The following PDE4C variants were observed in gnomAD, a reference collection of about 807,000 sequenced individuals.
The protein encoded by PDE4C is phosphodiesterase 4C.
In PDE4C, 50 loss-of-function variants were observed where a neutral mutation model predicts 63.9. The observed-to-expected ratio is 0.78, with a 90% CI of 0.62 to 0.99. The LOEUF is 0.99. Ranked by LOEUF, PDE4C falls within the 50% of genes least tolerant of loss-of-function variation. PDE4C has a pLI of 0.00. For missense variants in PDE4C, 777 were observed against 899.1 expected, an observed-to-expected ratio of 0.86 and a Z score of 1.74; for synonymous variants, 377 against 385.1, an observed-to-expected ratio of 0.98 and a Z score of 0.25.
downstream of PDE4C, chr19:18,209,533 G>C (rs1317661114): frequency 6.6e-6 from 1 of 151,902 alleles, no homozygotes; most frequent in African/African-American, 2.4e-5. Context: ...ACAGGTGTGA[G>C]CCGCCGCACC....
intron 1 of PDE4C, among the ~76,000 whole-genome samples, chr19:18,240,531 G>A (rs1969018925): frequency 6.6e-6 from 1 of 151,588 alleles, no homozygotes; most frequent in Admixed American, 6.6e-5. Context: ...ATCGAGACCA[G>A]CCCGGCCAAC....
At chr19:18,216,719 C>T (rs776563591) in intron 12 of PDE4C, 22 bp downstream of exon 12, 65 of 1,573,272 alleles carry the variant, frequency 4.1e-5, no homozygotes, top group Admixed American at 2.0e-4. Flanking sequence ...CCCTCCCGCC[C>T]CGCTTACTGC....
In PDE4C at chr19:18,217,252, C is replaced by A. The variant is rs145213194; in HGVS notation, c.1235-357G>T. The A allele has an allele frequency of 6.8e-4, 114 of 168,468 alleles. 3 individuals are homozygous for A. The East Asian group carries it at 0.018, about 26-fold the overall frequency. The allele number at this position is 168,468 out of a possible 1,614,324, so 10.4% of individuals were successfully genotyped here. A position where few individuals can be genotyped will look rare whatever the true frequency, so the allele number is the denominator to read the frequency against. The stretch of plus-strand genomic sequence containing the variant: ...CAATCACGGTTCCCTGCAGCCTCAA[C>A]CTCCTGGCCTCAAGTGATCCTCCCA... On this transcript the variant is annotated intron_variant, in intron 11 of 14. Transcript: ENST00000262805.
At chr19:18,233,544 G>A (rs1309279470) in exon 1 of PDE4C, 2 of 546,922 alleles carry the variant, frequency 3.7e-6, no homozygotes, top group Non-Finnish European at 7.0e-6. Flanking sequence ...ACAAGGACTT[G>A]GAGTGGAGAA....
At chr19:18,213,266 A>C in intron 13 of PDE4C, 102 bp downstream of exon 13, 1 of 1,047,596 alleles carries the variant, frequency 9.5e-7, no homozygotes, top group Non-Finnish European at 1.3e-6. Context: ...CCTGGGCGAC[A>C]GAGTGAGACT....
chr19:18,219,322 A>G, exon 8 of PDE4C: 4 of 1,614,126 alleles, frequency 2.5e-6, no homozygotes, highest in South Asian at 2.2e-5. Flanking sequence ...GAGCCCATGT[A>G]GGCCACTGAT....
chr19:18,231,623 G>A (rs1022130352), intron 1 of PDE4C, among the ~76,000 whole-genome samples: 1 of 152,102 alleles, frequency 6.6e-6, no homozygotes, highest in Non-Finnish European at 1.5e-5. Flanking sequence ...GCACCAGGAC[G>A]CAAGAAAGCC....
At position 18,232,453 on chromosome 19, in the gene PDE4C, G is replaced by A. The variant is rs924936866; in HGVS notation, c.242+497C>T. The stretch of plus-strand genomic sequence containing the variant: ...TATCCAAGCACCCCAGGGTTACCTC[G>A]GGTGCTTGAGCTGGTCACAAACTTC... On this transcript the variant is annotated intron_variant, in intron 1 of 14. Coordinates refer to the PDE4C transcript ENST00000594465. 2.6e-5 allele frequency among the ~76,000 whole-genome samples: 4 copies of A among 151,528 alleles called. No homozygotes were observed. The East Asian group carries it at 7.8e-4, about 30-fold the overall frequency.
At chr19:18,233,111 T>C (rs1007194872) in exon 1 of PDE4C, 5 of 1,566,726 alleles carry the variant, frequency 3.2e-6, no homozygotes, top group African/African-American at 2.7e-5. Context: ...GCTTCGGGGC[T>C]CTGGTCATGC....
At chr19:18,222,403 C>T in intron 1 of PDE4C, 80 bp from the exon 2 acceptor site, 1 of 1,330,572 alleles carries the variant, frequency 7.5e-7, no homozygotes, top group Non-Finnish European at 1.0e-6. Context: ...TCTGGTGCGT[C>T]CTCCCTGGGG....
chr19:18,224,322 A>G (rs1388489643), intron 1 of PDE4C: 1 of 985,344 alleles, frequency 1.0e-6, no homozygotes. Flanking sequence ...CTCCCGGCCG[A>G]GGGCCAGTGT....
exon 1 of PDE4C, chr19:18,233,531 A>C (rs1399861287): frequency 1.8e-6 from 1 of 570,842 alleles, no homozygotes; most frequent in Non-Finnish European, 3.3e-6. Flanking sequence ...GAAAAGAACC[A>C]AGACAAGGAC....
chr19:18,229,891 C>A (rs1204033017), upstream of PDE4C, among the ~76,000 whole-genome samples: 2 of 152,138 alleles, frequency 1.3e-5, no homozygotes, highest in Non-Finnish European at 2.9e-5. Context: ...CCCCACCTCA[C>A]TTCTCTTGGC....
At chr19:18,237,655 G>A (rs1287375093), upstream of PDE4C, among the ~76,000 whole-genome samples, 6 of 151,720 alleles carry the variant, frequency 4.0e-5, no homozygotes, top group Non-Finnish European at 7.4e-5. Context: ...GGCGGATCAC[G>A]AGGTCAGGAG....
intron 2 of PDE4C, 120 bp from the exon 3 acceptor site, chr19:18,221,417 G>A: frequency 1.0e-6 from 1 of 972,446 alleles, no homozygotes; most frequent in Non-Finnish European, 1.5e-6. Context: ...CTCCTTCTTA[G>A]TCCCTGGGGT....
In PDE4C at chr19:18,219,410, C is replaced by T; in HGVS notation, c.707-13G>A. The T allele has an allele frequency of 6.3e-7, 1 of 1,576,538 alleles. No homozygotes were observed. The highest frequency in any genetic ancestry group is 8.6e-7 in the Non-Finnish European group (1 of 1,161,586). Reference sequence around the variant, plus strand: ...TCGGTCTGCTGGTCTGCGGATGGGCCAGGGTGAAGCTCAGAGAAGCCGATT... The same window carrying T: ...TCGGTCTGCTGGTCTGCGGATGGGCTAGGGTGAAGCTCAGAGAAGCCGATT... On this transcript the variant is annotated splice_polypyrimidine_tract_variant and intron_variant, in intron 7 of 14. Coordinates refer to ENST00000262805, the Ensembl canonical transcript of PDE4C.
intron 11 of PDE4C, 30 bp downstream of exon 11, chr19:18,218,119 C>T (rs1251212995): frequency 6.5e-7 from 1 of 1,539,890 alleles, no homozygotes; most frequent in Admixed American, 1.7e-5. Flanking sequence ...TCCACCTCTT[C>T]TCCTGCACCC....
At chr19:18,250,583 C>T (rs150940375), upstream of PDE4C, 2,348 of 397,550 alleles carry the variant, frequency 5.9e-3, 10 homozygotes, top group Non-Finnish European at 8.7e-3. Flanking sequence ...GACCTCTCTT[C>T]CCTCTCCAGT....
At chr19:18,213,017 G>A (rs1968028421) in intron 13 of PDE4C, among the ~76,000 whole-genome samples, 1 of 147,408 alleles carries the variant, frequency 6.8e-6, no homozygotes, top group Non-Finnish European at 1.5e-5. Context: ...AAACCGGCCG[G>A]GCGCGGTGGC....
Sources: allele counts gnomAD v4.1 joint callset (sites outside exome capture counted in the v4.1 genomes callset), GRCh38; gene constraint gnomAD v4.1.1; transcripts MANE v1.5; gene names NCBI Gene and HGNC (gene_info 2026-07-23, HGNC 2026-07-21).